The following PTPN9 variants were observed in gnomAD, a reference collection of about 807,000 sequenced individuals.
PTPN9 encodes the protein protein tyrosine phosphatase non-receptor type 9, also known as tyrosine-protein phosphatase non-receptor type 9.
Under a neutral mutation model 69.8 loss-of-function variants are expected in PTPN9, and 26 were observed. The ratio of observed to expected loss-of-function variants is 0.37; its 90% confidence interval spans 0.27 to 0.52. The LOEUF is 0.52. PTPN9 is among the 20% of genes least tolerant of loss of function. The pLI is 0.91. For synonymous variants in PTPN9, 274 were observed against 272.5 expected (o/e 1.01, Z -0.05); for missense variants, 549 against 740.3 (o/e 0.74, Z 3.00).
chr15:75,575,686 A>C (rs892738099), intron 1 of PTPN9, among the ~76,000 whole-genome samples: 1 of 152,166 alleles, frequency 6.6e-6, no homozygotes, highest in South Asian at 2.1e-4. Context: ...TTGGGAGGCC[A>C]AGGCGGGTGG....
At chr15:75,556,262 CCAT>C (rs2075076910) in intron 1 of PTPN9, among the ~76,000 whole-genome samples, 1 of 151,510 alleles carries the variant, frequency 6.6e-6, no homozygotes, top group Non-Finnish European at 1.5e-5. Context: ...CGGGGTTTCA[CCAT>C]GTTGGCCAGG....
chr15:75,494,376 A>G (rs1006048365), intron 7 of PTPN9, among the ~76,000 whole-genome samples: 2 of 151,944 alleles, frequency 1.3e-5, no homozygotes, highest in Non-Finnish European at 2.9e-5. Context: ...GGGGGTGGAC[A>G]GAGTCTCGCT....
intron 1 of PTPN9, among the ~76,000 whole-genome samples, chr15:75,567,018 CTTTT>C (rs1328027375): frequency 7.3e-6 from 1 of 137,804 alleles, no homozygotes; most frequent in African/African-American, 2.7e-5. Flanking sequence ...CATTTTTTTT[CTTTT>C]TTTTTTTTTT....
intron 4 of PTPN9, among the ~76,000 whole-genome samples, chr15:75,521,541 C>T (rs1013784980): frequency 6.6e-5 from 10 of 151,900 alleles, no homozygotes; most frequent in African/African-American, 2.4e-4. Flanking sequence ...CAGTCCCTGA[C>T]ATTGGTTTTA....
At chr15:75,482,282 C>T (rs1380144996) in intron 8 of PTPN9, among the ~76,000 whole-genome samples, 2 of 129,756 alleles carry the variant, frequency 1.5e-5, no homozygotes, top group Non-Finnish European at 3.3e-5. Flanking sequence ...GAGTCATCAC[C>T]AGGCCGGGCG....
intron 6 of PTPN9, among the ~76,000 whole-genome samples, chr15:75,507,014 A>T (rs561851502): frequency 2.0e-5 from 3 of 152,234 alleles, no homozygotes; most frequent in Admixed American, 2.0e-4. Flanking sequence ...TGTCTCACTT[A>T]ATTTTTAATT....
intron 6 of PTPN9, among the ~76,000 whole-genome samples, chr15:75,508,584 C>T (rs1469869034): frequency 6.6e-6 from 1 of 152,204 alleles, no homozygotes; most frequent in African/African-American, 2.4e-5. Flanking sequence ...AAGGCCTATG[C>T]AGCACTAGGA....
intron 1 of PTPN9, among the ~76,000 whole-genome samples, chr15:75,534,583 G>A (rs2074975323): frequency 6.6e-6 from 1 of 151,748 alleles, no homozygotes; most frequent in Non-Finnish European, 1.5e-5. Flanking sequence ...GCTGAGGTGG[G>A]AGGAGTGCTT....
chr15:75,568,530 CA>C (rs1319658924), intron 1 of PTPN9, among the ~76,000 whole-genome samples: 21 of 125,508 alleles, frequency 1.7e-4, no homozygotes, highest in East Asian at 2.4e-4. Context: ...AAAAACAAAA[CA>C]AAAAAAAAAC....
chr15:75,557,242 T>C (rs1057025776), intron 1 of PTPN9, among the ~76,000 whole-genome samples: 1 of 151,918 alleles, frequency 6.6e-6, no homozygotes, highest in African/African-American at 2.4e-5. Flanking sequence ...CTGGCCAACA[T>C]GGTGAAACCC....
At chr15:75,563,897 T>G (rs748991230) in intron 1 of PTPN9, among the ~76,000 whole-genome samples, 20 of 152,102 alleles carry the variant, frequency 1.3e-4, no homozygotes, top group Non-Finnish European at 1.8e-4. Context: ...ACAAACTATA[T>G]TTCTGCTTAT....
At chr15:75,514,831 G>A (rs148476205) in intron 5 of PTPN9, among the ~76,000 whole-genome samples, 10 of 152,150 alleles carry the variant, frequency 6.6e-5, no homozygotes, top group East Asian at 3.9e-4. Flanking sequence ...TAAAAGAAAC[G>A]CAAGCTATAC....
rs368208883 is a variant in PTPN9 at position 75,575,075 on chromosome 15, G to A, written c.63+3639C>T. On this transcript the variant is annotated intron_variant, in intron 1 of 12. Transcript: ENST00000618819. ...TGCAAGCTCCGCCTCCCGGGTTCACGCCATTCTCCTGCCTCAGCCTCCCGA... is the reference window on the plus strand; with the variant it reads ...TGCAAGCTCCGCCTCCCGGGTTCACACCATTCTCCTGCCTCAGCCTCCCGA... 2.2e-4 allele frequency among the ~76,000 whole-genome samples: 5 copies of A among 22,782 alleles called. 1 individual carries two copies. The South Asian group carries it at 9.3e-3, about 42-fold the overall frequency. The allele number at this position is 22,782 out of a possible 152,430, so 14.9% of individuals were successfully genotyped here.
intron 6 of PTPN9, among the ~76,000 whole-genome samples, chr15:75,507,753 C>G (rs540297257): frequency 6.7e-6 from 1 of 149,422 alleles, no homozygotes; most frequent in South Asian, 2.1e-4. Flanking sequence ...GGAGACAGAG[C>G]GAGACTCCGT....
intron 1 of PTPN9, among the ~76,000 whole-genome samples, chr15:75,564,974 GC>G (rs1210647947): frequency 1.3e-5 from 2 of 151,574 alleles, no homozygotes; most frequent in Non-Finnish European, 1.5e-5. Context: ...GGTGGCACGT[GC>G]CTGTAATCCC....
At chr15:75,512,429 G>T (rs1429604491) in intron 5 of PTPN9, among the ~76,000 whole-genome samples, 1 of 152,042 alleles carries the variant, frequency 6.6e-6, no homozygotes, top group Admixed American at 6.6e-5. Flanking sequence ...CTGGCCTTAG[G>T]CAATTCTCCC....
chr15:75,536,584 C>T (rs2074983126), intron 1 of PTPN9, among the ~76,000 whole-genome samples: 1 of 152,030 alleles, frequency 6.6e-6, no homozygotes, highest in South Asian at 2.1e-4. Flanking sequence ...CATGAAAGAA[C>T]AGGGCTTATT....
chr15:75,507,374 G>C (rs1205546759), intron 6 of PTPN9, among the ~76,000 whole-genome samples: 1 of 149,250 alleles, frequency 6.7e-6, no homozygotes, highest in Non-Finnish European at 1.5e-5. Context: ...TGAACCCGGG[G>C]GACGGAGGTT....
At chr15:75,480,755 T>TGCC (rs916155927) in intron 8 of PTPN9, 2 of 1,242,684 alleles carry the variant, frequency 1.6e-6, no homozygotes, top group Non-Finnish European at 2.0e-6. Flanking sequence ...TCTCAGTCTT[T>TGCC]GCCGCCGCGC....
Sources: gnomAD v4.1 joint callset for allele counts (sites outside exome capture counted in the v4.1 genomes callset) on GRCh38, gnomAD v4.1.1 for gene constraint, MANE v1.5 for transcripts, NCBI Gene and HGNC (gene_info 2026-07-23, HGNC 2026-07-21) for gene names.